Variants in ZP2 observed in about 807,000 individuals in gnomAD.
ZP2 encodes the protein zona pellucida sperm-binding protein 2.
ZP2 carries 51 observed loss-of-function variants against 84.0 expected under a neutral mutation model. That is an observed-to-expected ratio of 0.61 (90% CI 0.49 to 0.77). ZP2 has a LOEUF of 0.77. Among genes scored for constraint, ZP2 ranks in the 30% least tolerant of loss-of-function variants. The probability of loss-of-function intolerance (pLI) is 0.00; values close to 1 mark genes in which losing one functional copy is unlikely to be tolerated. For missense variants in ZP2, 909 were observed against 911.9 expected (o/e 1.00, Z 0.04); for synonymous variants, 375 against 330.9 (o/e 1.13, Z -1.45).
chr16:21,207,985 T>A (rs2093258169), intron 4 of ZP2, among the ~76,000 whole-genome samples: 1 of 152,158 alleles, frequency 6.6e-6, no homozygotes, highest in Non-Finnish European at 1.5e-5. Context: ...TTTGGAAGGC[T>A]GAGGTGGGAG....
chr16:21,204,888 C>T (rs2093242584), intron 7 of ZP2, among the ~76,000 whole-genome samples: 2 of 152,126 alleles, frequency 1.3e-5, no homozygotes, highest in Admixed American at 1.3e-4. Flanking sequence ...AATGACAACC[C>T]AAACAGAACC....
chr16:21,210,984 C>T (rs557013953), intron 2 of ZP2, among the ~76,000 whole-genome samples: 10 of 151,566 alleles, frequency 6.6e-5, no homozygotes, highest in East Asian at 1.9e-4. Context: ...CTTGTTATGT[C>T]GATGTTTTCC....
chr16:21,199,093 A>AT (rs1286199577), intron 16 of ZP2, among the ~76,000 whole-genome samples: 1 of 152,102 alleles, frequency 6.6e-6, no homozygotes, highest in Non-Finnish European at 1.5e-5. Flanking sequence ...AGGTAGGTGG[A>AT]TCACCTGAGG....
intron 3 of ZP2, 37 bp from the exon 4 acceptor site, chr16:21,209,762 G>A (rs778766434): frequency 3.2e-5 from 51 of 1,576,322 alleles, no homozygotes; most frequent in East Asian, 6.7e-5. Flanking sequence ...GGATGGCTGA[G>A]TACATTTCAG....
chr16:21,203,380 CA>C, intron 9 of ZP2, 129 bp from the exon 10 acceptor site: 1 of 1,245,064 alleles, frequency 8.0e-7, no homozygotes. Context: ...CCCTTTAAAC[CA>C]AAACAAGAGA....
In ZP2 at chr16:21,206,978, G is replaced by T; in HGVS notation, c.343C>A (p.Gln115Lys). Residue 115 changes from glutamine to lysine, a missense_variant, in exon 5 of 19, where the codon CAG becomes AAG. Transcript: ENST00000574091. ...NCTRRVHGGH[Q>K]MTIRVMNNSA... ...TTGTTCATGACTCTGATGGTCATCTGGTGTCCACCATGCTGTGTACAGATA... is the reference window on the plus strand; with the variant it reads ...TTGTTCATGACTCTGATGGTCATCTTGTGTCCACCATGCTGTGTACAGATA... 6.2e-7 allele frequency: 1 copy of T among 1,614,058 alleles called. No individual in the cohort carries two copies.
At position 21,197,562 on chromosome 16, in the gene ZP2, G is replaced by A; in HGVS notation, c.2156C>T (p.Ala719Val). The A allele has an allele frequency of 6.2e-7, 1 of 1,613,888 alleles. No individual in the cohort carries two copies. The highest frequency in any genetic ancestry group is 1.1e-5 in the South Asian group (1 of 91,082). The change falls in exon 19 of 19, where the codon GCT (alanine) becomes GTT (valine). Residue 719 changes from alanine (A) to valine (V), a missense_variant. Ala to Val is a moderately conservative substitution (Grantham distance 64). Transcript: ENST00000574091. ...CACCACACCTGCAAAGGCAGCCACA[G>A]CAGCCACAGCTTTGGAACCAACATC... is the stretch of plus-strand genomic sequence containing the variant. ...AGDVGSKAVAAVAAFAGVVAT... is the reference protein window; with the variant it reads ...AGDVGSKAVAVVAAFAGVVAT...
chr16:21,201,400 A>G lies in ZP2; in HGVS notation c.1663T>C (p.Ser555Pro), dbSNP rs774597737. ...ACGACAACGTTCCACTGGGGGAAAG[A>G]GTCTGGATCCATGGTGGACGTCGCC... ...CWATSTMDPD[S>P]FPQWNVVVDG... Residue 555 changes from serine (S) to proline (P), a missense_variant, in exon 14 of 19, where the codon TCT becomes CCT. By Grantham distance (74) the Ser-to-Pro change is moderately conservative. Coordinates refer to ENST00000574091, the MANE Select transcript of ZP2 (RefSeq NM_001376232.1). 18 of 1,597,256 alleles carry G rather than the reference A, an allele frequency of 1.1e-5. No individual in the cohort carries two copies. Among genetic ancestry groups the G allele is most frequent in the Non-Finnish European group, 1.5e-5 (18 of 1,170,726 alleles).
Position 21,201,983 on chromosome 16 carries a change from G to A in ZP2, c.1328C>T (p.Ala443Val), listed in dbSNP as rs2093227871. Residue 443 changes from alanine to valine, a missense_variant, in exon 12 of 19, where the codon GCT becomes GTT. Transcript: ENST00000574091. ...DKVVYENEIH[A>V]LWTDFPPSKI... ...GCTTGGAGGAAAATCCGTCCAGAGA[G>A]CATGTATTTCGTTTTCATAGACGAC... The A allele has an allele frequency of 6.2e-7, 1 of 1,614,088 alleles. No individual in the cohort carries two copies. The highest frequency in any genetic ancestry group is 8.5e-7 in the Non-Finnish European group (1 of 1,179,996).
At chr16:21,205,865 A>G in intron 5 of ZP2, 90 bp from the exon 6 acceptor site, 3 of 1,321,636 alleles carry the variant, frequency 2.3e-6, no homozygotes, top group Admixed American at 3.6e-5. Flanking sequence ...TTGTCATACC[A>G]AAAGGCCTGC....
chr16:21,211,904 A>C (rs1397288226), upstream of ZP2, among the ~76,000 whole-genome samples: 1 of 151,976 alleles, frequency 6.6e-6, no homozygotes, highest in Admixed American at 6.6e-5. Flanking sequence ...ATTGAGAAAA[A>C]AACAAGTCTT....
In ZP2 at chr16:21,204,102, A is replaced by G. The variant is rs753811612; in HGVS notation, c.900T>C (p.His300=). The change falls in exon 9 of 19, where the codon CAT becomes CAC. Residue 300 remains histidine (H), a synonymous_variant. Transcript: ENST00000574091. ...ENQNIDVSQL[H]DNGIDLEATN... ...TTGCTTCTAGATCAATTCCATTGTC[A>G]TGCAGCTGGCTCACATCAATGTTCT... 5 of 1,614,200 alleles carry G rather than the reference A, an allele frequency of 3.1e-6. No homozygotes were observed. The highest frequency in any genetic ancestry group is 1.7e-5 in the Admixed American group (1 of 60,018).
chr16:21,213,866 T>C (rs1009076273), upstream of ZP2, among the ~76,000 whole-genome samples: 3 of 152,136 alleles, frequency 2.0e-5, no homozygotes, highest in African/African-American at 7.2e-5. Context: ...ACAAATATAA[T>C]TTATTGCCAC....
At chr16:21,208,941 G>T (rs9931953) in intron 4 of ZP2, among the ~76,000 whole-genome samples, 18,386 of 152,164 alleles carry the variant, frequency 0.12, 1,317 homozygotes, top group African/African-American at 0.18. Flanking sequence ...CTGATTAGTG[G>T]TAGAGCCAGG....
intron 15 of ZP2, 35 bp from the exon 16 acceptor site, chr16:21,199,701 A>G (rs755514999): frequency 1.9e-6 from 3 of 1,613,186 alleles, no homozygotes; most frequent in South Asian, 2.2e-5. Context: ...GAATCGATGC[A>G]CTAACATTTA....
rs2093216721 is a variant in ZP2 at position 21,199,752 on chromosome 16, G to C, written c.1821C>G (p.Leu607=). The change falls in exon 15 of 19, where the codon CTC becomes CTG. Residue 607 remains leucine (L), a synonymous_variant. Coordinates refer to ENST00000574091, the MANE Select transcript of ZP2 (RefSeq NM_001376232.1). ...AFAFVSEAHV[L]SSLVYFHCSA... is the part of the protein sequence containing the mutation. ...CTTCTGAATCACTTACCAGGCTAGA[G>C]AGCACGTGGGCTTCTGATACAAAGG... 1.9e-6 allele frequency: 3 copies of C among 1,613,940 alleles called. No homozygotes were observed. Among genetic ancestry groups the C allele is most frequent in the African/African-American group, 1.3e-5 (1 of 74,908 alleles).
In ZP2 at chr16:21,204,864, AAAC is replaced by A. The variant is rs545761310; in HGVS notation, c.694-463_694-461del. ...CTGGAAAGCACCAATACTTGCTATA[AAAC>A]AATATAGGACAATGACAACCCAAAC... On this transcript the variant is annotated intron_variant, in intron 7 of 18. Coordinates refer to ENST00000574091, the MANE Select transcript of ZP2 (RefSeq NM_001376232.1). Among the ~76,000 whole-genome samples, 488 of 152,296 alleles carry A rather than the reference AAAC, an allele frequency of 3.2e-3. 3 individuals are homozygous for A. The highest frequency in any genetic ancestry group is 2.9e-3 in the Non-Finnish European group (194 of 68,016).
In ZP2 at chr16:21,204,144, A is replaced by T; in HGVS notation, c.858T>A (p.Ser286=). The T allele has an allele frequency of 1.9e-6, 3 of 1,614,180 alleles. No homozygotes were observed. Among genetic ancestry groups the T allele is most frequent in the South Asian group, 1.1e-5 (1 of 91,086 alleles). The change falls in exon 9 of 19, where the codon TCT becomes TCA. Residue 286 remains serine (S), a synonymous_variant. Coordinates refer to ENST00000574091, the MANE Select transcript of ZP2 (RefSeq NM_001376232.1). ...CAATGTTCTGGTTTTCAAAGCTCAC[A>T]GACTTAAGCTTCCCAGGAAACTCTG... ...TIPEFPGKLK[S]VSFENQNIDV...
At chr16:21,210,070 G>A (rs1445309645) in intron 3 of ZP2, 39 bp downstream of exon 3, 2 of 1,577,426 alleles carry the variant, frequency 1.3e-6, no homozygotes, top group Middle Eastern at 1.7e-4. Context: ...AAGGCTGTCT[G>A]CTAATCAGGA....
Sources: allele counts gnomAD v4.1 joint callset (sites outside exome capture counted in the v4.1 genomes callset), GRCh38; gene constraint gnomAD v4.1.1; transcripts MANE v1.5; gene names NCBI Gene and HGNC (gene_info 2026-07-23, HGNC 2026-07-21).